The following COL4A4 variants were observed in gnomAD, a reference collection of about 807,000 sequenced individuals.
COL4A4 encodes the protein collagen alpha-4(IV) chain.
Under a neutral mutation model 192.9 loss-of-function variants are expected in COL4A4, and 105 were observed. The observed-to-expected ratio is 0.54, with a 90% CI of 0.46 to 0.64. The LOEUF (loss-of-function observed/expected upper bound fraction) is 0.64, where lower values mean the gene tolerates loss of function less well. Among genes scored for constraint, COL4A4 ranks in the 30% least tolerant of loss-of-function variants. The probability of loss-of-function intolerance (pLI) is 0.00; values close to 1 mark genes in which losing one functional copy is unlikely to be tolerated. For missense variants in COL4A4, 1,967 were observed against 2,169.3 expected (o/e 0.91, Z 1.85); for synonymous variants, 762 against 769.9 (o/e 0.99, Z 0.17).
chr2:227,094,071 G>T, intron 20 of COL4A4, 54 bp downstream of exon 20: 1 of 1,503,084 alleles, frequency 6.7e-7, no homozygotes, highest in Non-Finnish European at 9.2e-7. Context: ...TAGTGGCACT[G>T]CAAATATCAA....
At chr2:227,015,451 C>T (rs1316929225) in intron 44 of COL4A4, among the ~76,000 whole-genome samples, 2 of 152,152 alleles carry the variant, frequency 1.3e-5, no homozygotes, top group Non-Finnish European at 2.9e-5. Context: ...TGTGTTTTAA[C>T]AAGCTCCTCA....
chr2:227,041,809 A>G lies in COL4A4; in HGVS notation c.3505+339T>C, dbSNP rs1465782852. The stretch of plus-strand genomic sequence containing the variant: ...AAGGGAAAGAAAGAAAGAAAGGAAG[A>G]AAGAAAGAAAGAAAGAAAGAAAGAA... On this transcript the variant is annotated intron_variant, in intron 37 of 47. Transcript: ENST00000396625. 5.6e-4 allele frequency among the ~76,000 whole-genome samples: 14 copies of G among 25,200 alleles called. 2 individuals carry two copies. The highest frequency in any genetic ancestry group is 3.0e-3 in the African/African-American group (12 of 3,984). The allele number at this position is 25,200 out of a possible 152,430, so 16.5% of individuals were successfully genotyped here.
At chr2:227,162,460 C>T (rs1366168771) in intron 1 of COL4A4, among the ~76,000 whole-genome samples, 2 of 152,166 alleles carry the variant, frequency 1.3e-5, no homozygotes, top group African/African-American at 4.8e-5. Flanking sequence ...CTCTTGGACA[C>T]TGTCACCTCA....
chr2:227,046,391 C>T (rs964253972), intron 35 of COL4A4, among the ~76,000 whole-genome samples: 2 of 151,862 alleles, frequency 1.3e-5, no homozygotes, highest in Non-Finnish European at 2.9e-5. Context: ...CATCTAAACA[C>T]AAACCTGGTT....
intron 25 of COL4A4, among the ~76,000 whole-genome samples, chr2:227,066,789 T>C (rs1398983201): frequency 6.7e-6 from 1 of 150,284 alleles, no homozygotes; most frequent in Non-Finnish European, 1.5e-5. Flanking sequence ...CCATCGAGAC[T>C]AGGAAGAAAC....
chr2:227,104,253 T>A lies in COL4A4; in HGVS notation c.736-201A>T, dbSNP rs2060687321. ...ACACACTTATTGTTAAAAATAAATT[T>A]AAAAAATGAAAATGATTCTTAATGC... On this transcript the variant is annotated intron_variant, in intron 12 of 47. Coordinates refer to ENST00000396625, the MANE Select transcript of COL4A4 (RefSeq NM_000092.5). 1.5e-5 allele frequency: 9 copies of A among 594,428 alleles called. No individual in the cohort carries two copies. In the South Asian group the frequency reaches 1.7e-4, roughly 11 times the overall value. The allele number at this position is 594,428 out of a possible 1,614,324, so 36.8% of individuals were successfully genotyped here. A position where few individuals can be genotyped will look rare whatever the true frequency, so the allele number is the denominator to read the frequency against.
intron 8 of COL4A4, 106 bp downstream of exon 8, chr2:227,114,522 T>C (rs1316285538): frequency 5.6e-6 from 5 of 886,524 alleles, no homozygotes; most frequent in Admixed American, 3.4e-5. Context: ...TAAAAATTGG[T>C]GTATTCAGGG....
At chr2:227,045,913 ATGTATATGTATATG>A (rs1261410701) in intron 35 of COL4A4, among the ~76,000 whole-genome samples, 10 of 90,282 alleles carry the variant, frequency 1.1e-4, no homozygotes, top group African/African-American at 5.3e-4. Context: ...ATATATATGT[ATGTATATGTATATG>A]TATATATGTA....
In COL4A4 at chr2:227,111,068, C is replaced by A. The variant is rs75248630; in HGVS notation, c.594+610G>T. Among the ~76,000 whole-genome samples the A allele has an allele frequency of 7.9e-3, 1,207 of 152,286 alleles. 18 individuals carry two copies. Among genetic ancestry groups the A allele is most frequent in the African/African-American group, 0.027 (1,116 of 41,576 alleles). On this transcript the variant is annotated intron_variant, in intron 9 of 47. Transcript: ENST00000396625. Reference sequence around the variant, plus strand: ...TTGAATTGCTGGTCTGGGCGGCCCTCGGTGCCCCTACAGAAAACAAAATTA... The same window carrying A: ...TTGAATTGCTGGTCTGGGCGGCCCTAGGTGCCCCTACAGAAAACAAAATTA...
chr2:227,064,770 C>T (rs571717516), intron 25 of COL4A4, among the ~76,000 whole-genome samples: 16 of 152,300 alleles, frequency 1.1e-4, no homozygotes, highest in African/African-American at 3.6e-4. Context: ...CCAAGAATTT[C>T]GTATTCCACA....
the COL4A4 span, among the ~76,000 whole-genome samples, chr2:226,984,797 A>G: frequency 6.6e-6 from 1 of 152,088 alleles, no homozygotes; most frequent in African/African-American, 2.4e-5. Flanking sequence ...GAAACCCCCA[A>G]GTCAAACCAA....
At chr2:227,156,999 A>G (rs761166122) in intron 1 of COL4A4, among the ~76,000 whole-genome samples, 2 of 152,194 alleles carry the variant, frequency 1.3e-5, no homozygotes, top group Non-Finnish European at 2.9e-5. Flanking sequence ...TTTAATATAT[A>G]CTAGGACACT....
chr2:227,145,772 G>A (rs954533632), intron 2 of COL4A4, among the ~76,000 whole-genome samples: 2 of 152,162 alleles, frequency 1.3e-5, no homozygotes, highest in East Asian at 3.9e-4. Flanking sequence ...CAGGGCTGTG[G>A]ATCTGGGAGA....
In COL4A4 at chr2:227,032,195, A is replaced by T; in HGVS notation, c.3659T>A (p.Ile1220Asn). 1 of 1,614,160 alleles carries T rather than the reference A, an allele frequency of 6.2e-7. No homozygotes were observed. The highest frequency in any genetic ancestry group is 8.5e-7 in the Non-Finnish European group (1 of 1,179,988). ...GERGDPGSPG[I>N]SPPGPRGKKG... Reference sequence around the variant, plus strand: ...CTTTCCACGAGGACCTGGAGGAGAGATTCCTGGGCTCCCAGGGTCTCCTCT... The same window carrying T: ...CTTTCCACGAGGACCTGGAGGAGAGTTTCCTGGGCTCCCAGGGTCTCCTCT... Residue 1220 changes from isoleucine to asparagine, a missense_variant, in exon 39 of 48, where the codon ATC (isoleucine) becomes AAC (asparagine). Ile to Asn is a moderately radical substitution (Grantham distance 149). Transcript: ENST00000396625.
chr2:227,121,055 C>T lies in COL4A4; in HGVS notation c.286G>A (p.Asp96Asn), dbSNP rs772710366. 15 of 1,614,180 alleles carry T rather than the reference C, an allele frequency of 9.3e-6. No homozygotes were observed. The highest frequency in any genetic ancestry group is 5.0e-5 in the Admixed American group (3 of 60,028). Residue 96 changes from aspartate to asparagine, a missense_variant, in exon 5 of 48, where the codon GAC becomes AAC. Physicochemically the swap from Asp to Asn is conservative, Grantham distance 23. Coordinates refer to ENST00000396625, the MANE Select transcript of COL4A4 (RefSeq NM_000092.5). Reference sequence around the variant, plus strand: ...CCTGCTGCTCCAGGAGGGCCGCGGTCCCCTCTCATTCCTTTCTCTCCTGAA... The same window carrying T: ...CCTGCTGCTCCAGGAGGGCCGCGGTTCCCTCTCATTCCTTTCTCTCCTGAA... ...GLSGEKGMRG[D>N]RGPPGAAGDK...
chr2:226,989,658 A>G, the COL4A4 span, among the ~76,000 whole-genome samples: 1 of 152,126 alleles, frequency 6.6e-6, no homozygotes. Flanking sequence ...TATCTTGTCT[A>G]TATTGCAGGA....
rs1961408054 is a variant in COL4A4 at position 227,003,246 on chromosome 2, ATTAG to A, written c.*4075_*4078del. Reference sequence around the variant, plus strand: ...GTAAAAAAAAAGAAATATTTTTCGTATTAGTTTATTTTAAATACAAAATGTGACC... The same window carrying A: ...GTAAAAAAAAAGAAATATTTTTCGTATTTATTTTAAATACAAAATGTGACC... On this transcript the variant is annotated 3_prime_UTR_variant, in exon 48 of 48. Transcript: ENST00000396625. 6.6e-6 allele frequency: 1 copy of A among 152,200 alleles called. No individual in the cohort carries two copies. Among genetic ancestry groups the A allele is most frequent in the Middle Eastern group, 3.2e-3 (1 of 316 alleles). The allele number at this position is 152,200 out of a possible 1,614,324, so 9.4% of individuals were successfully genotyped here.
chr2:226,979,911 A>G, the COL4A4 span, among the ~76,000 whole-genome samples: 1 of 152,204 alleles, frequency 6.6e-6, no homozygotes, highest in African/African-American at 2.4e-5. Flanking sequence ...GGACAGATAG[A>G]GAACAATGGA....
At chr2:227,149,252 A>G (rs1047292120) in intron 1 of COL4A4, among the ~76,000 whole-genome samples, 1 of 152,212 alleles carries the variant, frequency 6.6e-6, no homozygotes. Flanking sequence ...ACATTCTACA[A>G]TAAAGTTTCA....
Sources: gnomAD v4.1 joint callset for allele counts (sites outside exome capture counted in the v4.1 genomes callset) on GRCh38, gnomAD v4.1.1 for gene constraint, MANE v1.5 for transcripts, NCBI Gene and HGNC (gene_info 2026-07-23, HGNC 2026-07-21) for gene names.